The following ZCCHC24 variants were observed in gnomAD, a reference collection of about 807,000 sequenced individuals.
ZCCHC24 encodes the protein zinc finger CCHC domain-containing protein 24.
ZCCHC24 carries 10 observed loss-of-function variants against 26.2 expected under a neutral mutation model. The observed-to-expected ratio is 0.38, with a 90% CI of 0.24 to 0.65. ZCCHC24 has a LOEUF of 0.65. Ranked by LOEUF, ZCCHC24 falls within the 30% of genes least tolerant of loss-of-function variation. The pLI is 0.54. For missense variants in ZCCHC24, 243 were observed against 329.1 expected (o/e 0.74, Z 2.03); for synonymous variants, 144 against 147.1 (o/e 0.98, Z 0.15).
At position 79,444,121 on chromosome 10, in the gene ZCCHC24, A is replaced by G. The variant is rs970926718; in HGVS notation, c.246+1074T>C. The G allele has an allele frequency of 3.9e-6, 6 of 1,545,904 alleles. No individual in the cohort carries two copies. The African/African-American group carries it at 5.5e-5, about 14-fold the overall frequency. The stretch of plus-strand genomic sequence containing the variant: ...ACTCACCGGTGTGCCCAGGTCTGGA[A>G]GGAAAGTGACCCCCATGTGTGTCCT... On this transcript the variant is annotated intron_variant, in intron 1 of 3. Coordinates refer to ENST00000372336, the MANE Select transcript of ZCCHC24 (RefSeq NM_153367.4).
intron 2 of ZCCHC24, among the ~76,000 whole-genome samples, chr10:79,400,074 G>A (rs1432012689): frequency 6.6e-6 from 1 of 152,232 alleles, no homozygotes; most frequent in African/African-American, 2.4e-5. Flanking sequence ...AACCAGGCAG[G>A]TGTGGAGACA....
In ZCCHC24 at chr10:79,411,637, C is replaced by T. The variant is rs946862269; in HGVS notation, c.448-17197G>A. ...GTCTCATTCCACTGCCCACGGGTGC[C>T]CCACTTTCCAGAGGAGGAGGCCAAG... On this transcript the variant is annotated intron_variant, in intron 2 of 3. Transcript: ENST00000372336. Among the ~76,000 whole-genome samples the T allele has an allele frequency of 4.6e-5, 7 of 152,148 alleles. No individual in the cohort carries two copies. In the South Asian group the frequency reaches 1.0e-3, roughly 23 times the overall value.
rs1413862214 is a variant in ZCCHC24 at position 79,385,440 on chromosome 10, C to T, written c.*905G>A. On this transcript the variant is annotated 3_prime_UTR_variant, in exon 4 of 4. Transcript: ENST00000372336. This position sits in a 1 kb window ranked among gnomAD's most constrained non-coding sequence, Gnocchi z 4.3. ...TGCGAAGTCCTTGCCCAAGGTGACA[C>T]AATGCGTCGGCAGCAGGGCAAAGAC... The T allele has an allele frequency of 6.6e-6, 1 of 152,252 alleles. No individual in the cohort carries two copies. Among genetic ancestry groups the T allele is most frequent in the African/African-American group, 2.4e-5 (1 of 41,462 alleles). 9.4% of individuals were successfully genotyped at this position (152,252 alleles called of 1,614,324 possible). A position where few individuals can be genotyped will look rare whatever the true frequency, so the allele number is the denominator to read the frequency against.
intron 2 of ZCCHC24, among the ~76,000 whole-genome samples, chr10:79,395,957 C>T (rs1856541016): frequency 6.6e-6 from 1 of 152,096 alleles, no homozygotes; most frequent in South Asian, 2.1e-4. Context: ...TTTTTATTGA[C>T]CCCCCAAAAG....
chr10:79,417,292 C>G (rs1203514246), intron 2 of ZCCHC24, among the ~76,000 whole-genome samples: 3 of 86,634 alleles, frequency 3.5e-5, no homozygotes, highest in Non-Finnish European at 5.9e-5. Context: ...CCCTTGTCAT[C>G]ATGCCTACTG....
chr10:79,383,292 A>G lies in ZCCHC24; in HGVS notation c.*3053T>C, dbSNP rs985555588. On this transcript the variant is annotated 3_prime_UTR_variant, in exon 4 of 4. Coordinates refer to ENST00000372336, the MANE Select transcript of ZCCHC24 (RefSeq NM_153367.4). ...CACAGAAAAACAACAATATGGCTTA[A>G]AGAATTGCAAAGATTTTTTTTCCTC... The G allele has an allele frequency of 1.3e-5, 2 of 152,782 alleles. No individual in the cohort carries two copies. The highest frequency in any genetic ancestry group is 2.9e-5 in the Non-Finnish European group (2 of 68,036). The allele number at this position is 152,782 out of a possible 1,614,324, so 9.5% of individuals were successfully genotyped here.
intron 2 of ZCCHC24, among the ~76,000 whole-genome samples, chr10:79,416,823 T>C (rs759174966): frequency 6.6e-6 from 1 of 152,076 alleles, no homozygotes; most frequent in Non-Finnish European, 1.5e-5. Flanking sequence ...AAGAAGAGTG[T>C]CCAGCACAAG....
intron 2 of ZCCHC24, among the ~76,000 whole-genome samples, chr10:79,408,682 G>C (rs898641948): frequency 6.6e-6 from 1 of 152,116 alleles, no homozygotes; most frequent in African/African-American, 2.4e-5. Context: ...GAGGAGAATG[G>C]GGATCCCCTC....
intron 2 of ZCCHC24, among the ~76,000 whole-genome samples, chr10:79,402,339 G>C (rs1434167368): frequency 6.6e-6 from 1 of 152,098 alleles, no homozygotes; most frequent in Non-Finnish European, 1.5e-5. Context: ...GCAGTGGCGT[G>C]ATCTCCGCTC....
chr10:79,412,161 T>C (rs541933852), intron 2 of ZCCHC24, among the ~76,000 whole-genome samples: 6 of 152,208 alleles, frequency 3.9e-5, no homozygotes, highest in African/African-American at 1.4e-4. Flanking sequence ...CACACACGCA[T>C]GCATGCACAC....
intron 2 of ZCCHC24, among the ~76,000 whole-genome samples, chr10:79,429,686 A>G (rs1039346668): frequency 6.6e-6 from 1 of 152,220 alleles, no homozygotes; most frequent in African/African-American, 2.4e-5. Flanking sequence ...CCAGGCATAT[A>G]CGAAAATCAC....
At chr10:79,444,108 G>A (rs1857325485) in intron 1 of ZCCHC24, 1 of 1,545,470 alleles carries the variant, frequency 6.5e-7, no homozygotes, top group Non-Finnish European at 8.7e-7. Context: ...TCACCGGTGT[G>A]CCCAGGTCTG....
intron 2 of ZCCHC24, among the ~76,000 whole-genome samples, chr10:79,413,218 A>G (rs1239272577): frequency 6.6e-6 from 1 of 152,162 alleles, no homozygotes; most frequent in Non-Finnish European, 1.5e-5. Context: ...TTTAATCCTC[A>G]CAGTAACTCT....
intron 3 of ZCCHC24, 72 bp from the exon 4 acceptor site, chr10:79,386,530 G>A (rs941717339): frequency 7.9e-7 from 1 of 1,258,666 alleles, no homozygotes; most frequent in Non-Finnish European, 1.1e-6. Context: ...GACAGACAGG[G>A]AGAGACACAC....
intron 1 of ZCCHC24, among the ~76,000 whole-genome samples, chr10:79,434,764 T>C (rs1254908337): frequency 6.6e-6 from 1 of 152,198 alleles, no homozygotes; most frequent in East Asian, 1.9e-4. Context: ...ACCATTTCAA[T>C]GATTTTTAAG....
intron 2 of ZCCHC24, among the ~76,000 whole-genome samples, chr10:79,414,586 CCCGGAA>C (rs1856835774): frequency 6.6e-6 from 1 of 152,166 alleles, no homozygotes; most frequent in Non-Finnish European, 1.5e-5. Flanking sequence ...TTGGGAGTCT[CCCGGAA>C]CCTTGTAATC....
chr10:79,397,896 G>C lies in ZCCHC24; in HGVS notation c.448-3456C>G, dbSNP rs557703243. Among the ~76,000 whole-genome samples the C allele has an allele frequency of 2.3e-3, 350 of 152,328 alleles. 3 individuals are homozygous for C. Among genetic ancestry groups the C allele is most frequent in the South Asian group, 9.5e-3 (46 of 4,830 alleles). ...GGTGGACTCTGGGAATTTGTTCCCA[G>C]AGCCCCTGCTTCAGAAATGAACGGG... is the stretch of plus-strand genomic sequence containing the variant. On this transcript the variant is annotated intron_variant, in intron 2 of 3. Transcript: ENST00000372336.
At chr10:79,411,688 CTGTGAG>C (rs1167536303) in intron 2 of ZCCHC24, among the ~76,000 whole-genome samples, 2 of 152,196 alleles carry the variant, frequency 1.3e-5, no homozygotes, top group Admixed American at 6.5e-5. Context: ...CCCACACAGC[CTGTGAG>C]AGGCAGGGCC....
chr10:79,406,111 C>A (rs568332914), intron 2 of ZCCHC24, among the ~76,000 whole-genome samples: 3 of 152,236 alleles, frequency 2.0e-5, no homozygotes, highest in Non-Finnish European at 4.4e-5. Context: ...CCCCTGCGTG[C>A]TGGGGCTGGC....
Sources: allele counts gnomAD v4.1 joint callset (sites outside exome capture counted in the v4.1 genomes callset), GRCh38; gene constraint gnomAD v4.1.1; non-coding constraint Gnocchi (gnomAD v3.1); transcripts MANE v1.5; gene names NCBI Gene and HGNC (gene_info 2026-07-23, HGNC 2026-07-21).